Variants in SLCO3A1 observed in about 807,000 individuals in gnomAD.
SLCO3A1 encodes PGE1 transporter.
A neutral mutation model predicts 63.1 loss-of-function variants in SLCO3A1; 27 were observed. That is an observed-to-expected ratio of 0.43 (90% CI 0.32 to 0.59). The LOEUF (loss-of-function observed/expected upper bound fraction) is 0.59, where lower values mean the gene tolerates loss of function less well. Among genes scored for constraint, SLCO3A1 ranks in the 20% least tolerant of loss-of-function variants. SLCO3A1 has a pLI of 0.09. For synonymous variants in SLCO3A1, 473 were observed against 409.9 expected, an observed-to-expected ratio of 1.15 and a Z score of -1.86; for missense variants, 773 against 945.8, an observed-to-expected ratio of 0.82 and a Z score of 2.40.
rs28608707 is a variant in SLCO3A1, at chr15:92,143,312, G to A, written c.1513-3672G>A. ...AGGGCAGGGTTTGAGACAGATTTAG[G>A]ACATGGCAAAATGAACAGAACTTAG... On this transcript the variant is annotated intron_variant, in intron 7 of 9. Transcript: ENST00000318445. Among the ~76,000 whole-genome samples the A allele has an allele frequency of 3.3e-3, 361 of 110,780 alleles. 2 individuals are homozygous for A. The highest frequency in any genetic ancestry group is 0.012 in the African/African-American group (344 of 28,790). The allele number at this position is 110,780 out of a possible 152,430, so 72.7% of individuals were successfully genotyped here. A position where few individuals can be genotyped will look rare whatever the true frequency, so the allele number is the denominator to read the frequency against.
intron 2 of SLCO3A1, among the ~76,000 whole-genome samples, chr15:91,919,500 G>A (rs548615768): frequency 2.6e-5 from 4 of 152,354 alleles, no homozygotes; most frequent in East Asian, 1.9e-4. Flanking sequence ...TGGGTGGCAC[G>A]TGGCACTCTT....
chr15:92,146,764 C>G (rs2151588453), intron 7 of SLCO3A1, among the ~76,000 whole-genome samples: 1 of 152,200 alleles, frequency 6.6e-6, no homozygotes, highest in African/African-American at 2.4e-5. Context: ...ATGAAACACA[C>G]AAGAGACAGA....
At chr15:92,131,635 T>C (rs1375457369) in intron 7 of SLCO3A1, among the ~76,000 whole-genome samples, 1 of 145,774 alleles carries the variant, frequency 6.9e-6, no homozygotes, top group Non-Finnish European at 1.5e-5. Context: ...CCCAAAGTGC[T>C]GGGATTACAA....
At position 91,883,355 on chromosome 15, in the gene SLCO3A1, A is replaced by G. The variant is rs752461777; in HGVS notation, c.180+29267A>G. Among the ~76,000 whole-genome samples the G allele has an allele frequency of 5.3e-5, 8 of 152,178 alleles. No individual in the cohort carries two copies. The highest frequency in any genetic ancestry group is 1.0e-4 in the Non-Finnish European group (7 of 68,040). On this transcript the variant is annotated intron_variant, in intron 1 of 9. Transcript: ENST00000318445. The surrounding 1 kb of genome is among the most constrained non-coding windows in gnomAD (Gnocchi z 4.8). ...TTTTCACTCCATCAGCTGAGGTACC[A>G]CAGGGGATGCCAGAGACCTGAGGCT...
chr15:91,970,301 TC>T (rs1900811949), intron 2 of SLCO3A1, among the ~76,000 whole-genome samples: 1 of 152,168 alleles, frequency 6.6e-6, no homozygotes, highest in African/African-American at 2.4e-5. Flanking sequence ...GGGCTCTGTT[TC>T]TAAAACAAGG....
chr15:92,152,622 C>T (rs1387119916), intron 9 of SLCO3A1, among the ~76,000 whole-genome samples: 1 of 152,172 alleles, frequency 6.6e-6, no homozygotes, highest in Non-Finnish European at 1.5e-5. Context: ...GTGCAGTCTG[C>T]ATATATTTTA....
intron 2 of SLCO3A1, among the ~76,000 whole-genome samples, chr15:92,071,513 A>T (rs1464074413): frequency 2.6e-5 from 4 of 152,182 alleles, no homozygotes; most frequent in Admixed American, 6.5e-5. Flanking sequence ...ACACGTCAGA[A>T]ATGGAGTCAT....
intron 4 of SLCO3A1, 120 bp from the exon 5 acceptor site, chr15:92,120,345 A>C: frequency 9.7e-7 from 1 of 1,026,866 alleles, no homozygotes; most frequent in Non-Finnish European, 1.4e-6. Flanking sequence ...GTACCTCTGG[A>C]TGCTGTTTGC....
chr15:92,115,601 T>C (rs2047784641), intron 4 of SLCO3A1, among the ~76,000 whole-genome samples: 1 of 152,010 alleles, frequency 6.6e-6, no homozygotes, highest in African/African-American at 2.4e-5. Context: ...GGGGTGGAGT[T>C]CTGTGCTCCA....
intron 2 of SLCO3A1, among the ~76,000 whole-genome samples, chr15:92,012,769 A>G (rs944590418): frequency 6.6e-6 from 1 of 150,646 alleles, no homozygotes; most frequent in Admixed American, 6.6e-5. Flanking sequence ...AAAAAGGCTC[A>G]GACGAGGCTT....
At position 91,915,998 on chromosome 15, in the gene SLCO3A1, C is replaced by T; in HGVS notation, c.186C>T (p.Ser62=). The T allele has an allele frequency of 1.2e-6, 2 of 1,610,736 alleles. No homozygotes were observed. The highest frequency in any genetic ancestry group is 1.7e-4 in the Middle Eastern group (1 of 6,046). ...TTTCTTCTTGCCCCCCTCAGGTGAG[C>T]GTCCTGACCACCCTGGAGCGTAGGT... is the stretch of plus-strand genomic sequence containing the variant. ...AQGTVGAYLV[S]VLTTLERRFN... The change falls in exon 2 of 10, where the codon AGC becomes AGT. Residue 62 remains serine (S), a synonymous_variant. Transcript: ENST00000318445.
intron 2 of SLCO3A1, among the ~76,000 whole-genome samples, chr15:91,971,655 G>T (rs1263884338): frequency 1.3e-5 from 2 of 152,032 alleles, no homozygotes; most frequent in African/African-American, 4.8e-5. Context: ...AGCATTGTTT[G>T]CCATGAGCTC....
At position 91,954,623 on chromosome 15, in the gene SLCO3A1, T is replaced by C. The variant is rs1396754779; in HGVS notation, c.646+38165T>C. 6.6e-6 allele frequency among the ~76,000 whole-genome samples: 1 copy of C among 151,866 alleles called. No homozygotes were observed. The highest frequency in any genetic ancestry group is 1.5e-5 in the Non-Finnish European group (1 of 67,992). ...GTTGGTGGGGAAGAGGAAGTGGAAGTTGGCGGGGAAGAGTGTTGCAGGTCC... is the reference window on the plus strand; with the variant it reads ...GTTGGTGGGGAAGAGGAAGTGGAAGCTGGCGGGGAAGAGTGTTGCAGGTCC... On this transcript the variant is annotated intron_variant, in intron 2 of 9. Transcript: ENST00000318445. The surrounding 1 kb of genome is among the most constrained non-coding windows in gnomAD (Gnocchi z 4.7).
chr15:91,916,199 G>A lies in SLCO3A1; in HGVS notation c.387G>A (p.Leu129=). ...TGCTGTCGGCGCTGCCCGAGTTCCT[G>A]ACCCACCAGTACAAGTACGAGGCGG... The part of the protein sequence containing the change: ...GALLSALPEF[L]THQYKYEAGE... The change falls in exon 2 of 10, where the codon CTG becomes CTA. Residue 129 remains leucine (L), a synonymous_variant. Coordinates refer to ENST00000318445, the MANE Select transcript of SLCO3A1 (RefSeq NM_013272.4). The surrounding 1 kb of genome is among the most constrained non-coding windows in gnomAD (Gnocchi z 6.2). 1 of 1,593,440 alleles carries A rather than the reference G, an allele frequency of 6.3e-7. No individual in the cohort carries two copies.
rs376101056 is a variant in SLCO3A1 at position 91,990,132 on chromosome 15, A to G, written c.646+73674A>G. ...GAGATGGTGCTTTAAGATGAGGGAA[A>G]TGGGCAGTTTTTTTCTTTGGAGGCA... On this transcript the variant is annotated intron_variant, in intron 2 of 9. Coordinates refer to ENST00000318445, the MANE Select transcript of SLCO3A1 (RefSeq NM_013272.4). Among the ~76,000 whole-genome samples, 5 of 152,302 alleles carry G rather than the reference A, an allele frequency of 3.3e-5. No homozygotes were observed. The East Asian group carries it at 5.8e-4, about 18-fold the overall frequency.
At chr15:91,993,276 C>T (rs768998405) in intron 2 of SLCO3A1, among the ~76,000 whole-genome samples, 1 of 152,100 alleles carries the variant, frequency 6.6e-6, no homozygotes, top group Non-Finnish European at 1.5e-5. Flanking sequence ...TTGAGCCTTC[C>T]GAATTCAGAG....
chr15:92,019,758 C>G (rs770814380), intron 2 of SLCO3A1, among the ~76,000 whole-genome samples: 1 of 152,144 alleles, frequency 6.6e-6, no homozygotes, highest in South Asian at 2.1e-4. Context: ...GAACTCCAGC[C>G]GGTGTGTGTG....
At chr15:92,074,515 C>A (rs1024862868) in intron 2 of SLCO3A1, among the ~76,000 whole-genome samples, 1 of 152,318 alleles carries the variant, frequency 6.6e-6, no homozygotes. Context: ...GTGATCTGCC[C>A]AGGTGAACGT....
intron 1 of SLCO3A1, among the ~76,000 whole-genome samples, chr15:91,881,900 C>G (rs906399108): frequency 6.6e-6 from 1 of 152,154 alleles, no homozygotes; most frequent in South Asian, 2.1e-4. Flanking sequence ...AGTGAGGTAA[C>G]CCTGCTCCAT....
Sources: allele counts gnomAD v4.1 joint callset (sites outside exome capture counted in the v4.1 genomes callset), GRCh38; gene constraint gnomAD v4.1.1; non-coding constraint Gnocchi (gnomAD v3.1); transcripts MANE v1.5; gene names NCBI Gene and HGNC (gene_info 2026-07-23, HGNC 2026-07-21).